SLC35D2: variants seen among roughly 807,000 people sequenced by gnomAD.
SLC35D2 encodes the protein solute carrier family 35 member D2.
SLC35D2 carries 43 observed loss-of-function variants against 41.8 expected under a neutral mutation model. That is an observed-to-expected ratio of 1.03 (90% confidence interval 0.81 to 1.33). The LOEUF (loss-of-function observed/expected upper bound fraction) is 1.33. Among genes scored for constraint, SLC35D2 ranks in the 40% most tolerant of loss-of-function variants. The probability of loss-of-function intolerance (pLI) is 0.00; values close to 1 mark genes in which losing one functional copy is unlikely to be tolerated. For synonymous variants in SLC35D2, 150 were observed against 163.9 expected (o/e 0.92, Z 0.65); for missense variants, 380 against 408.4 (o/e 0.93, Z 0.60).
chr9:96,331,753 C>T (rs1259758204), intron 9 of SLC35D2, among the ~76,000 whole-genome samples: 1 of 152,196 alleles, frequency 6.6e-6, no homozygotes. Context: ...CTGTTAGGAA[C>T]CCAGGTGCAC....
intron 1 of SLC35D2, among the ~76,000 whole-genome samples, chr9:96,369,178 A>G (rs909677390): frequency 2.6e-5 from 4 of 152,180 alleles, no homozygotes; most frequent in Non-Finnish European, 5.9e-5. Flanking sequence ...GAATCGCTAC[A>G]TAGTGATTCA....
In SLC35D2 at chr9:96,342,046, A is replaced by G. The variant is rs140132183; in HGVS notation, c.684+1858T>C. On this transcript the variant is annotated intron_variant, in intron 8 of 11. Coordinates refer to ENST00000253270, the MANE Select transcript of SLC35D2 (RefSeq NM_007001.3). ...AAAACAAAAAAAAACCCTCGTTTCT[A>G]TAATAATGAAAGGAGACAAGCCTCT... is the stretch of plus-strand genomic sequence containing the variant. Among the ~76,000 whole-genome samples, 39 of 152,148 alleles carry G rather than the reference A, an allele frequency of 2.6e-4. No homozygotes were observed. The East Asian group carries it at 7.3e-3, about 29-fold the overall frequency.
chr9:96,369,562 AT>A (rs2131007694), intron 1 of SLC35D2, among the ~76,000 whole-genome samples: 1 of 152,332 alleles, frequency 6.6e-6, no homozygotes, highest in Non-Finnish European at 1.5e-5. Context: ...ATTGTGTGGT[AT>A]TTGCACAAAG....
At chr9:96,331,049 T>C (rs1366116851) in intron 9 of SLC35D2, among the ~76,000 whole-genome samples, 1 of 152,158 alleles carries the variant, frequency 6.6e-6, no homozygotes, top group Non-Finnish European at 1.5e-5. Context: ...AGGGGCACAC[T>C]ACCACGCCCC....
chr9:96,322,116 G>A (rs1828265956), intron 10 of SLC35D2, 36 bp from the exon 11 acceptor site: 1 of 1,336,002 alleles, frequency 7.5e-7, no homozygotes. Context: ...CATTTTAAAA[G>A]TAAACTGTTT....
At chr9:96,349,155 C>A (rs1436361604) in intron 6 of SLC35D2, among the ~76,000 whole-genome samples, 1 of 152,186 alleles carries the variant, frequency 6.6e-6, no homozygotes, top group African/African-American at 2.4e-5. Flanking sequence ...CCTTTTCAAT[C>A]TTAAAAGAGT....
chr9:96,349,409 A>C (rs925358444), intron 6 of SLC35D2, among the ~76,000 whole-genome samples: 2 of 152,140 alleles, frequency 1.3e-5, no homozygotes, highest in Non-Finnish European at 2.9e-5. Flanking sequence ...CTGAAGAAGG[A>C]TATAGAAGCA....
intron 6 of SLC35D2, among the ~76,000 whole-genome samples, chr9:96,349,606 A>G (rs1587686432): frequency 6.6e-6 from 1 of 150,792 alleles, no homozygotes; most frequent in African/African-American, 2.4e-5. Flanking sequence ...GCTCACTACA[A>G]CCTCCACTTC....
intron 9 of SLC35D2, among the ~76,000 whole-genome samples, chr9:96,331,704 C>T (rs1462851657): frequency 2.6e-5 from 4 of 152,148 alleles, no homozygotes; most frequent in Non-Finnish European, 5.9e-5. Context: ...CAGCAGGAGT[C>T]CCCAAGCCCC....
intron 1 of SLC35D2, among the ~76,000 whole-genome samples, chr9:96,370,621 C>T (rs1830638300): frequency 6.6e-6 from 1 of 152,042 alleles, no homozygotes; most frequent in Non-Finnish European, 1.5e-5. Flanking sequence ...CGTGCCACTG[C>T]ACTCCAGCCT....
At chr9:96,369,373 C>T (rs762620353) in intron 1 of SLC35D2, among the ~76,000 whole-genome samples, 4 of 152,070 alleles carry the variant, frequency 2.6e-5, no homozygotes, top group Non-Finnish European at 5.9e-5. Context: ...AGAATCAGTG[C>T]GATCTCAGCA....
At chr9:96,376,157 T>A (rs1056206880) in intron 1 of SLC35D2, among the ~76,000 whole-genome samples, 2 of 147,960 alleles carry the variant, frequency 1.4e-5, no homozygotes, top group African/African-American at 5.0e-5. Context: ...TAGCTGGGCA[T>A]AGTGGCAGGC....
At chr9:96,337,038 A>C (rs1381378409) in intron 8 of SLC35D2, among the ~76,000 whole-genome samples, 1 of 152,204 alleles carries the variant, frequency 6.6e-6, no homozygotes, top group Admixed American at 6.5e-5. Context: ...ATAAGGACTG[A>C]AAGAAATTGT....
At chr9:96,356,061 A>G (rs1292474554) in intron 4 of SLC35D2, among the ~76,000 whole-genome samples, 1 of 152,324 alleles carries the variant, frequency 6.6e-6, no homozygotes, top group Non-Finnish European at 1.5e-5. Flanking sequence ...AGATTAATCA[A>G]CTGGGGCAGG....
At chr9:96,315,490 G>A (rs13288602) in intron 11 of SLC35D2, among the ~76,000 whole-genome samples, 79,607 of 149,164 alleles carry the variant, frequency 0.53, 21,472 homozygotes, top group African/African-American at 0.6. Flanking sequence ...CTGGAGTGCA[G>A]TGGCGCGATC....
At chr9:96,364,256 A>G (rs929705587) in intron 3 of SLC35D2, among the ~76,000 whole-genome samples, 14 of 152,240 alleles carry the variant, frequency 9.2e-5, no homozygotes, top group African/African-American at 3.4e-4. Context: ...AATCACTTGA[A>G]CCCAGGAGGC....
At chr9:96,359,794 A>G (rs1830186378) in intron 4 of SLC35D2, among the ~76,000 whole-genome samples, 1 of 152,172 alleles carries the variant, frequency 6.6e-6, no homozygotes, top group African/African-American at 2.4e-5. Flanking sequence ...CCTGGTCTAC[A>G]CCAAGGCTGA....
chr9:96,342,582 C>T (rs1428653090), intron 8 of SLC35D2, among the ~76,000 whole-genome samples: 2 of 152,158 alleles, frequency 1.3e-5, no homozygotes, highest in Non-Finnish European at 2.9e-5. Context: ...TCTTCCAAAA[C>T]GGAATTAACA....
At position 96,324,076 on chromosome 9, in the gene SLC35D2, T is replaced by C. The variant is rs1828391601; in HGVS notation, c.831+15A>G. 6.2e-7 allele frequency: 1 copy of C among 1,606,936 alleles called. No individual in the cohort carries two copies. The highest frequency in any genetic ancestry group is 8.5e-7 in the Non-Finnish European group (1 of 1,173,648). On this transcript the variant is annotated intron_variant, in intron 10 of 11. Coordinates refer to ENST00000253270, the MANE Select transcript of SLC35D2 (RefSeq NM_007001.3). ...CTTGACTCAGTTGTTCCCTTCCAAG[T>C]TTCCATCCACTCACCTTGATGGCTC...
Sources: gnomAD v4.1 joint callset for allele counts (sites outside exome capture counted in the v4.1 genomes callset) on GRCh38, gnomAD v4.1.1 for gene constraint, MANE v1.5 for transcripts, NCBI Gene and HGNC (gene_info 2026-07-23, HGNC 2026-07-21) for gene names.